The following CAB39L variants were observed in gnomAD, a reference collection of about 807,000 sequenced individuals.
CAB39L encodes calcium binding protein 39 like.
Under a neutral mutation model 39.1 loss-of-function variants are expected in CAB39L, and 23 were observed. That is an observed-to-expected ratio of 0.59 (90% CI 0.42 to 0.83). The LOEUF (loss-of-function observed/expected upper bound fraction) is 0.83, where lower values mean the gene tolerates loss of function less well. CAB39L is among the 40% of genes least tolerant of loss of function. The probability of loss-of-function intolerance (pLI) is 0.00; values close to 1 mark genes in which losing one functional copy is unlikely to be tolerated. For missense variants in CAB39L, 366 were observed against 391.9 expected (o/e 0.93, Z 0.56); for synonymous variants, 126 against 137.2 (o/e 0.92, Z 0.57).
At chr13:49,356,959 G>A (rs1211754095) in intron 6 of CAB39L, among the ~76,000 whole-genome samples, 1 of 150,446 alleles carries the variant, frequency 6.6e-6, no homozygotes, top group Admixed American at 6.7e-5. Context: ...TGAGGCAGGA[G>A]AATCGCTTGA....
Position 49,309,385 on chromosome 13 carries a change from G to A in CAB39L, c.*1429C>T, listed in dbSNP as rs1309584866. 5.3e-5 allele frequency: 8 copies of A among 152,218 alleles called. 1 individual carries two copies. Among genetic ancestry groups the A allele is most frequent in the Admixed American group, 5.2e-4 (8 of 15,280 alleles). 9.4% of individuals were successfully genotyped at this position (152,218 alleles called of 1,614,324 possible). The stretch of plus-strand genomic sequence containing the variant: ...AAAATCTACAAAGGGGATCAGTCCT[G>A]GAGAACACATTTCTCTTCCCCTCTC... On this transcript the variant is annotated 3_prime_UTR_variant, in exon 11 of 11. Transcript: ENST00000409308.
chr13:49,359,579 C>T, intron 6 of CAB39L, 135 bp downstream of exon 6: 1 of 537,606 alleles, frequency 1.9e-6, no homozygotes, highest in Non-Finnish European at 3.3e-6. Flanking sequence ...ATCTGGAGGG[C>T]TGACCTCACA....
In CAB39L at chr13:49,310,569, T is replaced by C. The variant is rs965986567; in HGVS notation, c.*245A>G. On this transcript the variant is annotated 3_prime_UTR_variant, in exon 11 of 11. Transcript: ENST00000409308. ...CTCACATCTGCAAGTTAAAATTGCT[T>C]TTATCAACATCTGATACAATGGTTC... The C allele has an allele frequency of 8.4e-6, 3 of 355,032 alleles. No individual in the cohort carries two copies. Among genetic ancestry groups the C allele is most frequent in the African/African-American group, 6.2e-5 (3 of 48,320 alleles). The allele number at this position is 355,032 out of a possible 1,614,324, so 22.0% of individuals were successfully genotyped here.
intron 10 of CAB39L, among the ~76,000 whole-genome samples, chr13:49,328,813 C>T (rs987946995): frequency 3.9e-5 from 6 of 152,134 alleles, no homozygotes; most frequent in African/African-American, 1.2e-4. Flanking sequence ...CCAGCCTGGG[C>T]AACATAGTGA....
At chr13:49,331,894 G>A (rs748457475) in intron 10 of CAB39L, 53 bp downstream of exon 10, 56 of 1,579,242 alleles carry the variant, frequency 3.5e-5, no homozygotes, top group Non-Finnish European at 4.8e-5. Context: ...TTGCCATTTG[G>A]AACTGGAAAA....
chr13:49,441,631 T>G (rs1957526522), intron 1 of CAB39L, among the ~76,000 whole-genome samples: 1 of 152,174 alleles, frequency 6.6e-6, no homozygotes, highest in East Asian at 1.9e-4. Flanking sequence ...TAAAAAAATC[T>G]ATTTCCTAGT....
chr13:49,405,189 A>T (rs1247028441), intron 3 of CAB39L, among the ~76,000 whole-genome samples: 1 of 152,210 alleles, frequency 6.6e-6, no homozygotes, highest in East Asian at 1.9e-4. Flanking sequence ...AAGAGAAAAG[A>T]AAAGAATAAC....
chr13:49,417,335 A>G (rs1366154645), intron 3 of CAB39L, among the ~76,000 whole-genome samples: 2 of 152,198 alleles, frequency 1.3e-5, no homozygotes, highest in Non-Finnish European at 2.9e-5. Context: ...TCCTATTTGT[A>G]TCATCTGCCT....
At chr13:49,424,050 G>C (rs536937759) in intron 3 of CAB39L, among the ~76,000 whole-genome samples, 20 of 152,252 alleles carry the variant, frequency 1.3e-4, no homozygotes, top group Admixed American at 1.3e-3. Flanking sequence ...TAAATAAACG[G>C]GAGAGAAGAG....
rs540147438 is a variant in CAB39L at position 49,312,967 on chromosome 13, C to T, written c.835-1974G>A. On this transcript the variant is annotated intron_variant, in intron 10 of 10. Coordinates refer to ENST00000409308, the MANE Select transcript of CAB39L (RefSeq NM_001079670.3). ...CCAGCAGTGTGCCACCATCTCTGGG[C>T]ACATTTCAATCCTTATCCTCCTATT... is the stretch of plus-strand genomic sequence containing the variant. Among the ~76,000 whole-genome samples, 3 of 152,268 alleles carry T rather than the reference C, an allele frequency of 2.0e-5. No homozygotes were observed. The East Asian group carries it at 5.8e-4, about 29-fold the overall frequency.
In CAB39L at chr13:49,359,731, C is replaced by T. The variant is rs781644875; in HGVS notation, c.378G>A (p.Leu126=). ...GTACCTACCCTTTGAGGAGCATAAA[C>T]AGGATATGAGGATGAGCACTAATAT... ...VEYISAHPHI[L]FMLLKGYEAP... The change falls in exon 6 of 11, where the codon CTG becomes CTA. Residue 126 remains leucine (L), a synonymous_variant. Transcript: ENST00000409308. 5 of 1,598,062 alleles carry T rather than the reference C, an allele frequency of 3.1e-6. No homozygotes were observed. Among genetic ancestry groups the T allele is most frequent in the South Asian group, 1.1e-5 (1 of 90,214 alleles).
chr13:49,363,671 T>C (rs1371612454), intron 5 of CAB39L, among the ~76,000 whole-genome samples: 1 of 151,156 alleles, frequency 6.6e-6, no homozygotes, highest in Non-Finnish European at 1.5e-5. Context: ...ACATTGTATG[T>C]AAATGGACTA....
At chr13:49,352,112 G>GCC (rs1955374766) in intron 6 of CAB39L, among the ~76,000 whole-genome samples, 1 of 152,022 alleles carries the variant, frequency 6.6e-6, no homozygotes, top group Non-Finnish European at 1.5e-5. Context: ...GCTGTGGACT[G>GCC]ATTGACTCAC....
chr13:49,321,969 G>C (rs1170980090), intron 10 of CAB39L, among the ~76,000 whole-genome samples: 1 of 152,104 alleles, frequency 6.6e-6, no homozygotes. Context: ...TTTTTAAAAA[G>C]TTTTTCTTAA....
chr13:49,408,711 G>C (rs1028109062), intron 3 of CAB39L, among the ~76,000 whole-genome samples: 1 of 152,038 alleles, frequency 6.6e-6, no homozygotes, highest in Non-Finnish European at 1.5e-5. Context: ...CACTCTTGTG[G>C]TCCCAGCTAC....
At chr13:49,312,111 T>C (rs955571135) in intron 10 of CAB39L, among the ~76,000 whole-genome samples, 3 of 152,284 alleles carry the variant, frequency 2.0e-5, no homozygotes, top group Non-Finnish European at 4.4e-5. Context: ...CCAAGGCTGG[T>C]CTCGAATTCC....
intron 3 of CAB39L, among the ~76,000 whole-genome samples, chr13:49,424,271 G>A (rs1460694225): frequency 6.6e-6 from 1 of 152,236 alleles, no homozygotes; most frequent in Non-Finnish European, 1.5e-5. Flanking sequence ...TTGACAGTAT[G>A]TGATGAAAAT....
At chr13:49,433,092 T>C (rs1419214251) in intron 3 of CAB39L, among the ~76,000 whole-genome samples, 1 of 152,206 alleles carries the variant, frequency 6.6e-6, no homozygotes, top group African/African-American at 2.4e-5. Context: ...TAAAGGATAT[T>C]TTTTATACTG....
intron 3 of CAB39L, among the ~76,000 whole-genome samples, chr13:49,409,612 A>G (rs981600139): frequency 5.3e-5 from 8 of 152,106 alleles, no homozygotes; most frequent in Non-Finnish European, 1.2e-4. Context: ...CTAAAATGAG[A>G]AGGAGGAGAA....
Sources: allele counts gnomAD v4.1 joint callset (sites outside exome capture counted in the v4.1 genomes callset), GRCh38; gene constraint gnomAD v4.1.1; transcripts MANE v1.5; gene names NCBI Gene and HGNC (gene_info 2026-07-23, HGNC 2026-07-21).